The following TRIP6 variants were observed in gnomAD, a reference collection of about 807,000 sequenced individuals.
The protein encoded by TRIP6 is thyroid receptor-interacting protein 6.
A neutral mutation model predicts 51.9 loss-of-function variants in TRIP6; 33 were observed. That is an observed-to-expected ratio of 0.64 (90% CI 0.48 to 0.85). The LOEUF is 0.85. TRIP6 is among the 40% of genes least tolerant of loss of function. TRIP6 has a pLI of 0.00. For missense variants in TRIP6, 661 were observed against 652.1 expected (o/e 1.01, Z -0.15); for synonymous variants, 255 against 275.8 (o/e 0.92, Z 0.75).
intron 3 of TRIP6, 22 bp downstream of exon 3, chr7:100,868,255 G>A (rs1380719740): frequency 6.2e-6 from 10 of 1,602,154 alleles, no homozygotes; most frequent in South Asian, 2.2e-5. Context: ...CCTCCTCCCC[G>A]TCAGCACCCT....
chr7:100,869,096 G>A (rs1474299838), intron 4 of TRIP6, among the ~76,000 whole-genome samples: 3 of 151,904 alleles, frequency 2.0e-5, no homozygotes, highest in African/African-American at 2.4e-5. Context: ...ACAGGCACAC[G>A]CTGCCACGCT....
chr7:100,868,483 G>T lies in TRIP6; in HGVS notation c.364-12G>T, dbSNP rs181143613. The T allele has an allele frequency of 1.2e-6, 2 of 1,612,906 alleles. No homozygotes were observed. Among genetic ancestry groups the T allele is most frequent in the Non-Finnish European group, 1.7e-6 (2 of 1,180,004 alleles). On this transcript the variant is annotated splice_polypyrimidine_tract_variant and intron_variant, in intron 3 of 8. Coordinates refer to ENST00000200457, the MANE Select transcript of TRIP6 (RefSeq NM_003302.3). ...TCCTTGCTTACGACTTCTGGCCTGC[G>T]TTTCTCCTCAGGCATATGAGCCCCC...
chr7:100,873,097 C>T, intron 8 of TRIP6, 75 bp from the exon 9 acceptor site: 1 of 1,555,856 alleles, frequency 6.4e-7, no homozygotes, highest in Non-Finnish European at 8.7e-7. Context: ...GATCCTCCTG[C>T]CTCGGCTTCT....
intron 4 of TRIP6, 60 bp downstream of exon 4, chr7:100,868,926 G>T (rs558245114): frequency 7.0e-7 from 1 of 1,433,404 alleles, no homozygotes; most frequent in South Asian, 1.7e-5. Context: ...GACTGGGTGG[G>T]GTGGCTGGTG....
In TRIP6 at chr7:100,867,607, G is replaced by GT. The variant is rs781592156; in HGVS notation, c.109+2dup. 8 of 1,541,460 alleles carry GT rather than the reference G, an allele frequency of 5.2e-6. No homozygotes were observed. Among genetic ancestry groups the GT allele is most frequent in the Non-Finnish European group, 7.0e-6 (8 of 1,147,704 alleles). On this transcript the variant is annotated splice_donor_variant, in intron 1 of 8. Transcript: ENST00000200457. LOFTEE classifies it high-confidence loss of function. This position sits in a 1 kb window ranked among gnomAD's most constrained non-coding sequence, Gnocchi z 5.4. The stretch of plus-strand genomic sequence containing the variant: ...GGGCCACCACCGGCCCACGGAGCAG[G>GT]TAAGGCAGCCCTTGTGAGACAGAAG...
chr7:100,867,562 C>T lies in TRIP6; in HGVS notation c.65C>T (p.Ala22Val), dbSNP rs977796997. 1.5e-5 allele frequency: 23 copies of T among 1,539,912 alleles called. No individual in the cohort carries two copies. Among genetic ancestry groups the T allele is most frequent in the Non-Finnish European group, 1.8e-5 (21 of 1,145,716 alleles). Reference protein sequence around the residue: ...PEPARAPQGRAIPRGTPGPPP... With the variant: ...PEPARAPQGRVIPRGTPGPPP... ...CCCGCCAGAGCCCCTCAGGGGAGGG[C>T]GATCCCCCGCGGCACCCCGGGGCCA... The change falls in exon 1 of 9, where the codon GCG (alanine) becomes GTG (valine). Residue 22 changes from alanine (A) to valine (V), a missense_variant. Ala to Val is a moderately conservative substitution (Grantham distance 64, BLOSUM62 0). Transcript: ENST00000200457. This position sits in a 1 kb window ranked among gnomAD's most constrained non-coding sequence, Gnocchi z 5.4.
In TRIP6 at chr7:100,873,450, A is replaced by C; in HGVS notation, c.*147A>C. The C allele has an allele frequency of 8.1e-7, 1 of 1,232,124 alleles. No homozygotes were observed. Among genetic ancestry groups the C allele is most frequent in the East Asian group, 2.6e-5 (1 of 38,634 alleles). 76.3% of individuals were successfully genotyped at this position (1,232,124 alleles called of 1,614,324 possible). A position where few individuals can be genotyped will look rare whatever the true frequency, so the allele number is the denominator to read the frequency against. ...GAAATAATAATCCCTCGAGTTTACA[A>C]AACACTTCCAAGTCTGTTGTCTCAT... On this transcript the variant is annotated 3_prime_UTR_variant, in exon 9 of 9. Coordinates refer to ENST00000200457, the MANE Select transcript of TRIP6 (RefSeq NM_003302.3).
chr7:100,867,669 C>A lies in TRIP6; in HGVS notation c.109+63C>A. The A allele has an allele frequency of 6.4e-7, 1 of 1,567,024 alleles. No homozygotes were observed. Among genetic ancestry groups the A allele is most frequent in the Non-Finnish European group, 8.7e-7 (1 of 1,155,494 alleles). On this transcript the variant is annotated intron_variant, in intron 1 of 8. Coordinates refer to ENST00000200457, the MANE Select transcript of TRIP6 (RefSeq NM_003302.3). This position sits in a 1 kb window ranked among gnomAD's most constrained non-coding sequence, Gnocchi z 5.4. ...TGTGGCGCTCACCTCTGTCCTACCG[C>A]TCCAGCCTCCCGCCCTGGCTGCTTC...
At position 100,872,622 on chromosome 7, in the gene TRIP6, A is replaced by C. The variant is rs1815297384; in HGVS notation, c.1179-2A>C. ...GGCCTTCTTGGTTCTCTTCCCCTGC[A>C]GGAAGTTTGCCCCAAGATGCTCAGT... On this transcript the variant is annotated splice_acceptor_variant, in intron 7 of 8. Transcript: ENST00000200457. LOFTEE classifies it high-confidence loss of function. The C allele has an allele frequency of 1.2e-6, 2 of 1,613,874 alleles. No individual in the cohort carries two copies. Among genetic ancestry groups the C allele is most frequent in the Non-Finnish European group, 1.7e-6 (2 of 1,179,866 alleles).
Position 100,870,716 on chromosome 7 carries a change from G to A in TRIP6, c.972G>A (p.Arg324=). ...LRGQHFYAVE[R]RAYCEGCYVA... ...GCCAGCATTTCTACGCCGTGGAGAGGAGGGCATATTGCGAGGGCTGCTACG... is the reference window on the plus strand; with the variant it reads ...GCCAGCATTTCTACGCCGTGGAGAGAAGGGCATATTGCGAGGGCTGCTACG... Residue 324 remains arginine, a synonymous_variant, in exon 6 of 9, where the codon AGG becomes AGA. Transcript: ENST00000200457. 6.2e-7 allele frequency: 1 copy of A among 1,614,026 alleles called. No individual in the cohort carries two copies. The highest frequency in any genetic ancestry group is 8.5e-7 in the Non-Finnish European group (1 of 1,179,890).
At position 100,867,511 on chromosome 7, in the gene TRIP6, C is replaced by T. The variant is rs1341786989; in HGVS notation, c.14C>T (p.Thr5Ile). 6.7e-7 allele frequency: 1 copy of T among 1,499,574 alleles called. No homozygotes were observed. Among genetic ancestry groups the T allele is most frequent in the Non-Finnish European group, 8.9e-7 (1 of 1,125,752 alleles). The allele number at this position is 1,499,574 out of a possible 1,614,324, so 92.9% of individuals were successfully genotyped here. The change falls in exon 1 of 9, where the codon ACC (threonine) becomes ATC (isoleucine). Residue 5 changes from threonine (T) to isoleucine (I), a missense_variant. Coordinates refer to ENST00000200457, the MANE Select transcript of TRIP6 (RefSeq NM_003302.3). This position sits in a 1 kb window ranked among gnomAD's most constrained non-coding sequence, Gnocchi z 5.4. ...CCTTTCCAGGCCATGTCGGGGCCCA[C>T]CTGGCTGCCCCCGAAGCAGCCGGAG... The part of the protein sequence containing the change: MSGP[T>I]WLPPKQPEPA...
chr7:100,873,239 T>C lies in TRIP6; in HGVS notation c.1367T>C (p.Leu456Ser). 1 of 1,613,772 alleles carries C rather than the reference T, an allele frequency of 6.2e-7. No homozygotes were observed. The highest frequency in any genetic ancestry group is 2.2e-5 in the East Asian group (1 of 44,856). Residue 456 changes from leucine (L) to serine (S), a missense_variant, in exon 9 of 9, where the codon TTG (leucine) becomes TCG (serine). Leu to Ser is a moderately radical substitution (Grantham distance 145). Coordinates refer to ENST00000200457, the MANE Select transcript of TRIP6 (RefSeq NM_003302.3). ...QGCYPLDGHILCKACSAWRIQ... is the reference protein window; with the variant it reads ...QGCYPLDGHISCKACSAWRIQ... ...TGCTACCCGCTGGATGGGCACATCT[T>C]GTGCAAGGCCTGCAGCGCCTGGCGC...
chr7:100,870,877 C>G, intron 6 of TRIP6, 134 bp downstream of exon 6: 1 of 1,265,422 alleles, frequency 7.9e-7, no homozygotes, highest in South Asian at 1.5e-5. Flanking sequence ...GATGTACAAA[C>G]AGGGCGGAAT....
intron 6 of TRIP6, 127 bp downstream of exon 6, chr7:100,870,870 G>A (rs1815254778): frequency 1.5e-6 from 2 of 1,310,902 alleles, no homozygotes; most frequent in Admixed American, 2.4e-5. Flanking sequence ...TGAAAGTGAT[G>A]TACAAACAGG....
intron 6 of TRIP6, chr7:100,871,017 T>TA (rs1815257203): frequency 1.1e-5 from 7 of 638,022 alleles, no homozygotes; most frequent in Non-Finnish European, 2.0e-5. Flanking sequence ...AGGCAGGTAT[T>TA]ACTACTGATT....
rs1584717834 is a variant in TRIP6, at chr7:100,868,652, T to C, written c.521T>C (p.Val174Ala). 5.0e-6 allele frequency: 8 copies of C among 1,610,624 alleles called. No individual in the cohort carries two copies. The highest frequency in any genetic ancestry group is 6.8e-6 in the Non-Finnish European group (8 of 1,178,538). Reference protein sequence around the residue: ...AGPAFPVQVKVAQPVRGCGPP... With the variant: ...AGPAFPVQVKAAQPVRGCGPP... The stretch of plus-strand genomic sequence containing the variant: ...CCAGCCTTCCCCGTGCAAGTGAAGG[T>C]GGCACAGCCAGTGAGGGGCTGCGGC... The change falls in exon 4 of 9, where the codon GTG becomes GCG. Residue 174 changes from valine to alanine, a missense_variant. Transcript: ENST00000200457.
chr7:100,868,950 CTTTTTTG>C, intron 4 of TRIP6, 84 bp downstream of exon 4: 3 of 1,399,072 alleles, frequency 2.1e-6, no homozygotes, highest in Non-Finnish European at 2.8e-6. Context: ...TTTTAGGGGG[CTTTTTTG>C]TTTTTTGAGA....
rs140905004 is a variant in TRIP6 at position 100,870,444 on chromosome 7, G to A, written c.810G>A (p.Pro270=). Residue 270 remains proline, a synonymous_variant, in exon 5 of 9, where the codon CCG becomes CCA. Transcript: ENST00000200457. The stretch of plus-strand genomic sequence containing the variant: ...AGCTGGTTCACGACATGAACCACCC[G>A]CCCAGCGGGGAGTACTTTGGTGAGC... The part of the protein sequence containing the change: ...TKKLVHDMNH[P]PSGEYFGQCG... 4.9e-5 allele frequency: 79 copies of A among 1,607,234 alleles called. No homozygotes were observed. In the Middle Eastern group the frequency reaches 1.2e-3, roughly 25 times the overall value.
chr7:100,870,920 G>A (rs1815255736), intron 6 of TRIP6, 177 bp downstream of exon 6: 1 of 849,534 alleles, frequency 1.2e-6, no homozygotes, highest in Non-Finnish European at 1.8e-6. Context: ...CTTAACACTG[G>A]TGGCTGAAGG....
Sources: gnomAD v4.1 joint callset for allele counts (sites outside exome capture counted in the v4.1 genomes callset) on GRCh38, gnomAD v4.1.1 for gene constraint, Gnocchi (gnomAD v3.1) non-coding constraint, MANE v1.5 for transcripts, NCBI Gene and HGNC (gene_info 2026-07-23, HGNC 2026-07-21) for gene names.